The following USH2A variants were observed in gnomAD, a reference collection of about 807,000 sequenced individuals.
USH2A encodes the protein usherin, also known as Usher syndrome 2A (autosomal recessive, mild).
A neutral mutation model predicts 538.9 loss-of-function variants in USH2A; 443 were observed. That is an observed-to-expected ratio of 0.82 (90% CI 0.76 to 0.89). USH2A has a LOEUF of 0.89. USH2A is among the 40% of genes least tolerant of loss of function. The pLI, the probability that USH2A is intolerant of heterozygous loss-of-function variation, is 0.00. For synonymous variants in USH2A, 2,413 were observed against 2,273.5 expected (o/e 1.06, Z -1.75); for missense variants, 6,633 against 6,324.8 (o/e 1.05, Z -1.65).
intron 30 of USH2A, among the ~76,000 whole-genome samples, chr1:216,052,595 CA>C (rs1319841878): frequency 1.3e-5 from 2 of 152,090 alleles, no homozygotes; most frequent in Admixed American, 1.3e-4. Flanking sequence ...TCCTTAAAGG[CA>C]GTTAGAATTA....
rs577501124 is a variant in USH2A at position 215,995,409 on chromosome 1, C to T, written c.6658-2242G>A. Reference sequence around the variant, plus strand: ...CTGCAAATTATTTTATTTTGTTTTGCCCACATTCTTTTTGGATGCATTTAG... The same window carrying T: ...CTGCAAATTATTTTATTTTGTTTTGTCCACATTCTTTTTGGATGCATTTAG... On this transcript the variant is annotated intron_variant, in intron 34 of 71. Transcript: ENST00000307340. 3.0e-4 allele frequency among the ~76,000 whole-genome samples: 45 copies of T among 152,222 alleles called. No individual in the cohort carries two copies. The South Asian group carries it at 6.4e-3, about 22-fold the overall frequency.
At chr1:215,942,194 G>C (rs1041147955) in intron 37 of USH2A, among the ~76,000 whole-genome samples, 4 of 152,098 alleles carry the variant, frequency 2.6e-5, no homozygotes, top group Non-Finnish European at 5.9e-5. Context: ...TTGACTCAAG[G>C]CTGCTCTCAG....
At chr1:215,823,530 A>T (rs1459369006) in intron 47 of USH2A, among the ~76,000 whole-genome samples, 1 of 152,012 alleles carries the variant, frequency 6.6e-6, no homozygotes, top group East Asian at 1.9e-4. Flanking sequence ...TCTTATTTTA[A>T]TCAAATCTGG....
chr1:216,290,293 T>A (rs1244651916), intron 10 of USH2A, among the ~76,000 whole-genome samples: 1 of 152,180 alleles, frequency 6.6e-6, no homozygotes, highest in East Asian at 1.9e-4. Context: ...CTGATAGATA[T>A]TGGCTATTGA....
chr1:216,280,500 G>T (rs370344509), intron 11 of USH2A, among the ~76,000 whole-genome samples: 1 of 151,924 alleles, frequency 6.6e-6, no homozygotes, highest in Non-Finnish European at 1.5e-5. Context: ...CACTCATATA[G>T]TAACCCAAGG....
chr1:216,359,675 G>T (rs1220798191), intron 4 of USH2A, among the ~76,000 whole-genome samples: 1 of 152,040 alleles, frequency 6.6e-6, no homozygotes, highest in Non-Finnish European at 1.5e-5. Context: ...TTTATGGCAT[G>T]TCCATTATAT....
chr1:216,308,758 T>G (rs2102633881), intron 9 of USH2A, among the ~76,000 whole-genome samples: 1 of 152,328 alleles, frequency 6.6e-6, no homozygotes, highest in African/African-American at 2.4e-5. Context: ...GCATGTAAAC[T>G]TAGAATTTTA....
chr1:216,348,260 T>A (rs960889121), intron 4 of USH2A, among the ~76,000 whole-genome samples: 6 of 152,076 alleles, frequency 3.9e-5, no homozygotes, highest in African/African-American at 9.7e-5. Context: ...ATTGGAAAAA[T>A]TTGTTATTTT....
chr1:216,326,629 C>T (rs1483032201), intron 5 of USH2A, among the ~76,000 whole-genome samples: 1 of 152,074 alleles, frequency 6.6e-6, no homozygotes, highest in East Asian at 1.9e-4. Context: ...AGTAAATACA[C>T]CTAACACTGT....
At chr1:216,196,361 T>C (rs1229451696) in intron 19 of USH2A, among the ~76,000 whole-genome samples, 192 bp downstream of exon 19, 4 of 152,144 alleles carry the variant, frequency 2.6e-5, no homozygotes, top group Non-Finnish European at 2.9e-5. Flanking sequence ...AGTTTCAATA[T>C]ATGATTATAC....
At chr1:215,774,987 A>T (rs945907861) in intron 55 of USH2A, among the ~76,000 whole-genome samples, 1 of 150,544 alleles carries the variant, frequency 6.6e-6, no homozygotes, top group Non-Finnish European at 1.5e-5. Context: ...ACAAATTCTT[A>T]TCTCTATTTT....
Position 215,845,823 on chromosome 1 carries a change from C to A in USH2A, c.9055+1G>T. 6.2e-7 allele frequency: 1 copy of A among 1,613,198 alleles called. No homozygotes were observed. The highest frequency in any genetic ancestry group is 8.5e-7 in the Non-Finnish European group (1 of 1,179,536). On this transcript the variant is annotated splice_donor_variant, in intron 45 of 71. Transcript: ENST00000307340. LOFTEE classifies it high-confidence loss of function. Reference sequence around the variant, plus strand: ...AAATATCCTTTAGAATCTGGACTCACCCCCATCGCAAGTGGTTGCATGAAG... The same window carrying A: ...AAATATCCTTTAGAATCTGGACTCAACCCCATCGCAAGTGGTTGCATGAAG...
intron 11 of USH2A, among the ~76,000 whole-genome samples, chr1:216,261,271 A>T (rs1373005176): frequency 6.6e-6 from 1 of 151,994 alleles, no homozygotes; most frequent in Non-Finnish European, 1.5e-5. Context: ...ATAGAAACAA[A>T]AAAAAGCCTA....
At chr1:216,043,356 A>G (rs576175131) in intron 32 of USH2A, among the ~76,000 whole-genome samples, 7 of 152,150 alleles carry the variant, frequency 4.6e-5, no homozygotes, top group African/African-American at 1.7e-4. Context: ...AATATGCTTC[A>G]TATCTTAAAC....
intron 48 of USH2A, among the ~76,000 whole-genome samples, chr1:215,814,341 TAC>T (rs1333522308): frequency 6.7e-6 from 1 of 148,334 alleles, no homozygotes; most frequent in Admixed American, 6.7e-5. Flanking sequence ...TTTAAATATA[TAC>T]ATTTTTTATT....
rs189879971 is a variant in USH2A at position 215,965,454 on chromosome 1, G to T, written c.6983C>A (p.Pro2328His). 6.2e-7 allele frequency: 1 copy of T among 1,613,650 alleles called. No individual in the cohort carries two copies. The highest frequency in any genetic ancestry group is 2.2e-5 in the East Asian group (1 of 44,860). Reference protein sequence around the residue: ...PLVENRTLEAPPEGTVNVFVK... With the variant: ...PLVENRTLEAHPEGTVNVFVK... Reference sequence around the variant, plus strand: ...AAACACATTTACTGTTCCTTCAGGAGGAGCTTCTAGAGTTCGATTTTCCAC... The same window carrying T: ...AAACACATTTACTGTTCCTTCAGGATGAGCTTCTAGAGTTCGATTTTCCAC... Residue 2328 changes from proline (P) to histidine (H), a missense_variant, in exon 37 of 72, where the codon CCT becomes CAT. Transcript: ENST00000307340.
chr1:215,796,064 T>C (rs1357294383), intron 50 of USH2A, among the ~76,000 whole-genome samples: 1 of 152,244 alleles, frequency 6.6e-6, no homozygotes, highest in Non-Finnish European at 1.5e-5. Flanking sequence ...GCAAGCTTTT[T>C]AAATGTTTAG....
chr1:215,810,878 AT>A (rs1490018922), intron 49 of USH2A, among the ~76,000 whole-genome samples: 1 of 152,164 alleles, frequency 6.6e-6, no homozygotes, highest in Non-Finnish European at 1.5e-5. Context: ...AACTTATTCA[AT>A]TTTGAAATAT....
intron 3 of USH2A, among the ~76,000 whole-genome samples, chr1:216,380,505 A>C (rs889242842): frequency 1.3e-5 from 2 of 152,162 alleles, no homozygotes; most frequent in Admixed American, 1.3e-4. Context: ...AATGTGTATT[A>C]TTTTAAAGGA....
Sources: allele counts gnomAD v4.1 joint callset (sites outside exome capture counted in the v4.1 genomes callset), GRCh38; gene constraint gnomAD v4.1.1; transcripts MANE v1.5; gene names NCBI Gene and HGNC (gene_info 2026-07-23, HGNC 2026-07-21).